Variants in MSMB observed in about 807,000 individuals in gnomAD.
MSMB encodes the protein beta-microseminoprotein.
In MSMB, 10 loss-of-function variants were observed where a neutral mutation model predicts 10.5. That is an observed-to-expected ratio of 0.95 (90% CI 0.59 to 1.62). MSMB has a LOEUF of 1.62. Among genes scored for constraint, MSMB ranks in the 40% most tolerant of loss-of-function variants. The pLI, the probability that MSMB is intolerant of heterozygous loss-of-function variation, is 0.00. For synonymous variants in MSMB, 43 were observed against 46.5 expected (o/e 0.93, Z 0.30); for missense variants, 126 against 137.4 (o/e 0.92, Z 0.42).
intron 1 of MSMB, among the ~76,000 whole-genome samples, chr10:46,044,296 G>C (rs1840828739): frequency 6.6e-6 from 1 of 151,982 alleles, no homozygotes; most frequent in South Asian, 2.1e-4. Flanking sequence ...GTGTCTCTTG[G>C]CTGGGCGCGG....
chr10:46,040,201 G>A (rs1436573671), intron 1 of MSMB, 110 bp from the exon 2 acceptor site: 2 of 801,760 alleles, frequency 2.5e-6, no homozygotes, highest in Admixed American at 2.5e-5. Flanking sequence ...AGGTTATGAT[G>A]TGGAGCTCAT....
In MSMB at chr10:46,033,340, G is replaced by A; in HGVS notation, c.*82C>T. On this transcript the variant is annotated 3_prime_UTR_variant, in exon 4 of 4. Transcript: ENST00000582163. ...TGCTCAAAAATCTTTTTACTGATAG[G>A]CATGGCTACACAATCATTGACTATT... 6.6e-7 allele frequency: 1 copy of A among 1,526,062 alleles called. No homozygotes were observed. The highest frequency in any genetic ancestry group is 8.8e-7 in the Non-Finnish European group (1 of 1,131,070). The allele number at this position is 1,526,062 out of a possible 1,614,324, so 94.5% of individuals were successfully genotyped here. A position where few individuals can be genotyped will look rare whatever the true frequency, so the allele number is the denominator to read the frequency against.
At position 46,034,487 on chromosome 10, in the gene MSMB, T is replaced by A. The variant is rs539461525; in HGVS notation, c.216-936A>T. On this transcript the variant is annotated intron_variant, in intron 3 of 3. Coordinates refer to ENST00000582163, the MANE Select transcript of MSMB (RefSeq NM_002443.4). ...CACAAAACTGTGATATAAAATTTGA[T>A]ATCCACTATGTAAAAGAAAAAACAT... Among the ~76,000 whole-genome samples, 4 of 151,682 alleles carry A rather than the reference T, an allele frequency of 2.6e-5. No homozygotes were observed. The East Asian group carries it at 7.8e-4, about 30-fold the overall frequency.
At chr10:46,045,018 G>T (rs1025639032) in intron 1 of MSMB, among the ~76,000 whole-genome samples, 80 of 152,068 alleles carry the variant, frequency 5.3e-4, no homozygotes, top group African/African-American at 1.6e-3. Context: ...GAGCAAGTTT[G>T]TCTTGCCGAG....
rs56061175 is a variant in MSMB, at chr10:46,044,575, G to GAAAAAAAAAAAAA, written c.3+1647_3+1659dup. ...TGGGCGACAGAGAGACTCCGTCTCA[G>GAAAAAAAAAAAAA]AAAAAAAAAAAAAAAAAAAAAAAAA... is the stretch of plus-strand genomic sequence containing the variant. On this transcript the variant is annotated intron_variant, in intron 1 of 3. Coordinates refer to ENST00000582163, the MANE Select transcript of MSMB (RefSeq NM_002443.4). Among the ~76,000 whole-genome samples, 10 of 38,524 alleles carry GAAAAAAAAAAAAA rather than the reference G, an allele frequency of 2.6e-4. 1 individual carries two copies. The highest frequency in any genetic ancestry group is 4.3e-3 in the South Asian group (2 of 464). The allele number at this position is 38,524 out of a possible 152,430, so 25.3% of individuals were successfully genotyped here.
At chr10:46,043,683 G>C (rs60241187) in intron 1 of MSMB, among the ~76,000 whole-genome samples, 8,489 of 151,394 alleles carry the variant, frequency 0.056, 773 homozygotes, top group African/African-American at 0.19. Context: ...CTGTTTGTTT[G>C]TTTCTTTTTG....
intron 1 of MSMB, among the ~76,000 whole-genome samples, chr10:46,044,358 TGAGGTCAG>T (rs1554929085): frequency 6.8e-6 from 1 of 147,108 alleles, no homozygotes; most frequent in African/African-American, 2.5e-5. Flanking sequence ...GGGTGGATCA[TGAGGTCAG>T]GAGATCGAGA....
intron 1 of MSMB, among the ~76,000 whole-genome samples, chr10:46,044,683 T>G (rs67750602): frequency 0.22 from 32,863 of 149,144 alleles, 4,315 homozygotes; most frequent in African/African-American, 0.38. Context: ...CAGGCATAAT[T>G]TCTCACACCT....
intron 1 of MSMB, among the ~76,000 whole-genome samples, chr10:46,040,573 T>C (rs540945022): frequency 9.7e-4 from 148 of 152,364 alleles, no homozygotes; most frequent in Non-Finnish European, 1.6e-3. Flanking sequence ...TCCCCTCTGC[T>C]TTAACTTATA....
chr10:46,042,592 C>CA (rs1391725842), intron 1 of MSMB, among the ~76,000 whole-genome samples: 30 of 152,160 alleles, frequency 2.0e-4, no homozygotes, highest in African/African-American at 7.0e-4. Flanking sequence ...GGCACAGAGA[C>CA]AGAGACAGAG....
intron 1 of MSMB, among the ~76,000 whole-genome samples, chr10:46,044,061 G>T (rs1384193003): frequency 2.0e-5 from 3 of 152,168 alleles, no homozygotes; most frequent in Middle Eastern, 3.2e-3. Flanking sequence ...CACGCTGCTG[G>T]TCTGAGGTCC....
intron 1 of MSMB, among the ~76,000 whole-genome samples, chr10:46,044,218 G>A (rs564720008): frequency 6.6e-6 from 1 of 152,136 alleles, no homozygotes; most frequent in Non-Finnish European, 1.5e-5. Flanking sequence ...ACGCCAGAAT[G>A]GGCTAGGATT....
intron 3 of MSMB, among the ~76,000 whole-genome samples, chr10:46,036,121 A>G (rs1423319412): frequency 6.6e-6 from 1 of 152,182 alleles, no homozygotes; most frequent in Admixed American, 6.5e-5. Context: ...CACCCAAGTC[A>G]GGGAGCCAGC....
At chr10:46,041,552 G>A (rs12253565) in intron 1 of MSMB, among the ~76,000 whole-genome samples, 6,040 of 152,188 alleles carry the variant, frequency 0.04, 206 homozygotes, top group African/African-American at 0.095. Flanking sequence ...TCAGCAATTT[G>A]GGAAGCTGAG....
At chr10:46,037,804 T>A (rs890193916) in intron 3 of MSMB, among the ~76,000 whole-genome samples, 3 of 152,180 alleles carry the variant, frequency 2.0e-5, no homozygotes, top group Admixed American at 2.0e-4. Context: ...CCATCTGGAA[T>A]AAAGCTACTT....
intron 1 of MSMB, among the ~76,000 whole-genome samples, chr10:46,040,940 C>A (rs1482159860): frequency 1.3e-5 from 2 of 149,550 alleles, no homozygotes; most frequent in Non-Finnish European, 3.0e-5. Flanking sequence ...GGTGACAGAG[C>A]GAGACTCCGT....
At chr10:46,041,466 G>C (rs1209397983) in intron 1 of MSMB, among the ~76,000 whole-genome samples, 1 of 152,098 alleles carries the variant, frequency 6.6e-6, no homozygotes, top group African/African-American at 2.4e-5. Flanking sequence ...ATTATGAAGT[G>C]ACGCTACTTG....
intron 1 of MSMB, among the ~76,000 whole-genome samples, chr10:46,044,575 GAAAAAAAAA>G (rs56061175): frequency 0.14 from 5,489 of 38,746 alleles, 585 homozygotes; most frequent in African/African-American, 0.35. Context: ...CTCCGTCTCA[GAAAAAAAAA>G]AAAAAAAAAA....
At chr10:46,044,182 T>G (rs547006266) in intron 1 of MSMB, among the ~76,000 whole-genome samples, 36 of 152,246 alleles carry the variant, frequency 2.4e-4, no homozygotes, top group Middle Eastern at 3.4e-3. Context: ...CCTGAGCTCC[T>G]GATGTGTGCA....
Sources: gnomAD v4.1 joint callset for allele counts (sites outside exome capture counted in the v4.1 genomes callset) on GRCh38, gnomAD v4.1.1 for gene constraint, MANE v1.5 for transcripts, NCBI Gene and HGNC (gene_info 2026-07-23, HGNC 2026-07-21) for gene names.